Variants in EPS15 observed in about 807,000 individuals in gnomAD.
EPS15 encodes epidermal growth factor receptor substrate 15.
In EPS15, 72 loss-of-function variants were observed where a neutral mutation model predicts 113.8. The observed-to-expected ratio is 0.63, with a 90% CI of 0.52 to 0.77. The LOEUF is 0.77. Among genes scored for constraint, EPS15 ranks in the 30% least tolerant of loss-of-function variants. The pLI is 0.00. For missense variants in EPS15, 1,048 were observed against 1,045.8 expected (o/e 1.00, Z -0.03); for synonymous variants, 344 against 363.4 (o/e 0.95, Z 0.61).
intron 21 of EPS15, among the ~76,000 whole-genome samples, chr1:51,389,421 C>T (rs534782926): frequency 6.6e-6 from 1 of 152,336 alleles, no homozygotes; most frequent in Admixed American, 6.5e-5. Context: ...GACAGGGATG[C>T]CCTCTCTCAC....
At chr1:51,410,895 T>A (rs542433438) in intron 13 of EPS15, among the ~76,000 whole-genome samples, 1 of 152,336 alleles carries the variant, frequency 6.6e-6, no homozygotes, top group East Asian at 1.9e-4. Flanking sequence ...TCTTTAAATA[T>A]ACTAACTTAT....
At chr1:51,402,384 A>T (rs1000842475) in intron 18 of EPS15, 51 bp downstream of exon 18, 2 of 999,708 alleles carry the variant, frequency 2.0e-6, no homozygotes, top group Admixed American at 2.3e-5. Context: ...TTTATATATT[A>T]AAAAGTCTTT....
At chr1:51,385,384 G>T (rs1647039108) in intron 21 of EPS15, among the ~76,000 whole-genome samples, 1 of 152,116 alleles carries the variant, frequency 6.6e-6, no homozygotes, top group Non-Finnish European at 1.5e-5. Flanking sequence ...CACCCATTAG[G>T]ATGCCTATAA....
intron 15 of EPS15, among the ~76,000 whole-genome samples, 156 bp downstream of exon 15, chr1:51,407,977 AAT>A (rs990530703): frequency 1.3e-5 from 2 of 152,242 alleles, no homozygotes; most frequent in African/African-American, 4.8e-5. Context: ...TGATAGTTTC[AAT>A]ATATAACAGG....
chr1:51,457,364 T>C (rs1300669954), intron 8 of EPS15, among the ~76,000 whole-genome samples: 1 of 151,934 alleles, frequency 6.6e-6, no homozygotes, highest in East Asian at 1.9e-4. Context: ...AAGGACTCAT[T>C]TTGCTAGAGT....
chr1:51,402,401 G>T, intron 18 of EPS15, 34 bp downstream of exon 18: 2 of 1,142,150 alleles, frequency 1.8e-6, no homozygotes, highest in Non-Finnish European at 2.5e-6. Flanking sequence ...CTTTTTTTTG[G>T]GTAAATCTAT....
intron 21 of EPS15, among the ~76,000 whole-genome samples, chr1:51,383,422 T>G (rs1197341808): frequency 1.3e-5 from 2 of 152,178 alleles, no homozygotes; most frequent in African/African-American, 4.8e-5. Context: ...GAAGACAATT[T>G]TTTTAGGACT....
At chr1:51,425,717 C>G (rs1651141243) in intron 12 of EPS15, among the ~76,000 whole-genome samples, 1 of 152,172 alleles carries the variant, frequency 6.6e-6, no homozygotes, top group Non-Finnish European at 1.5e-5. Flanking sequence ...TCACTCTGAT[C>G]AGGTCACTTA....
chr1:51,393,357 C>G (rs1330899244), intron 21 of EPS15, among the ~76,000 whole-genome samples: 1 of 152,116 alleles, frequency 6.6e-6, no homozygotes, highest in African/African-American at 2.4e-5. Context: ...TTATAGGCAC[C>G]CACCACCATA....
At chr1:51,425,392 G>T (rs1007758404) in intron 12 of EPS15, among the ~76,000 whole-genome samples, 2 of 152,142 alleles carry the variant, frequency 1.3e-5, no homozygotes, top group Admixed American at 6.5e-5. Flanking sequence ...CTCAGTTTTT[G>T]ATGCAATTCC....
At chr1:51,419,438 T>C (rs936392482) in intron 13 of EPS15, among the ~76,000 whole-genome samples, 4 of 152,114 alleles carry the variant, frequency 2.6e-5, no homozygotes, top group East Asian at 3.8e-4. Context: ...CTTTAAAAGT[T>C]TGATTTCTGT....
intron 1 of EPS15, among the ~76,000 whole-genome samples, chr1:51,496,373 A>C (rs1352805286): frequency 1.3e-5 from 2 of 152,190 alleles, no homozygotes; most frequent in African/African-American, 4.8e-5. Flanking sequence ...GTAACATTTG[A>C]ACTTGATAAC....
chr1:51,429,634 T>C (rs1328503025), intron 12 of EPS15, among the ~76,000 whole-genome samples: 1 of 147,286 alleles, frequency 6.8e-6, no homozygotes, highest in East Asian at 1.9e-4. Flanking sequence ...CCTTTTACTG[T>C]TGTTGTTGGT....
At chr1:51,452,190 T>C (rs1184618100) in intron 8 of EPS15, among the ~76,000 whole-genome samples, 2 of 152,202 alleles carry the variant, frequency 1.3e-5, no homozygotes, top group East Asian at 3.9e-4. Flanking sequence ...CAGTCTCTTG[T>C]TAAATTTTTT....
At chr1:51,460,972 A>AG in intron 8 of EPS15, 119 bp downstream of exon 8, 1 of 654,404 alleles carries the variant, frequency 1.5e-6, no homozygotes, top group Non-Finnish European at 2.6e-6. Flanking sequence ...AAAAAAAAAA[A>AG]GTTCACCCAA....
chr1:51,496,855 T>C (rs1221437079), intron 1 of EPS15, among the ~76,000 whole-genome samples: 1 of 152,340 alleles, frequency 6.6e-6, no homozygotes, highest in East Asian at 1.9e-4. Context: ...TACAATGTTC[T>C]CCAAGAGTTT....
rs749677670 is a variant in EPS15, at chr1:51,409,530, A to G, written c.1275+5T>C. 6 of 1,605,864 alleles carry G rather than the reference A, an allele frequency of 3.7e-6. No individual in the cohort carries two copies. Among genetic ancestry groups the G allele is most frequent in the Non-Finnish European group, 5.1e-6 (6 of 1,177,942 alleles). On this transcript the variant is annotated splice_donor_5th_base_variant and intron_variant, in intron 14 of 24. Coordinates refer to ENST00000371733, the MANE Select transcript of EPS15 (RefSeq NM_001981.3). ...TGCAGGCAGCAGGAAACAGCCAGAC[A>G]TTACCAGTTGGGCCTCCTCAGCACA...
At chr1:51,452,975 A>T (rs1653696825) in intron 8 of EPS15, among the ~76,000 whole-genome samples, 1 of 152,206 alleles carries the variant, frequency 6.6e-6, no homozygotes. Flanking sequence ...TTTGTCCAGG[A>T]ACCACACTTA....
intron 12 of EPS15, among the ~76,000 whole-genome samples, chr1:51,422,453 T>C (rs1650846792): frequency 6.6e-6 from 1 of 152,120 alleles, no homozygotes; most frequent in Non-Finnish European, 1.5e-5. Context: ...ATATATCAAA[T>C]CCAATTGATC....
Sources: allele counts gnomAD v4.1 joint callset (sites outside exome capture counted in the v4.1 genomes callset), GRCh38; gene constraint gnomAD v4.1.1; transcripts MANE v1.5; gene names NCBI Gene and HGNC (gene_info 2026-07-23, HGNC 2026-07-21).